CLEC16A: variants seen among roughly 807,000 people sequenced by gnomAD.
The protein encoded by CLEC16A is protein CLEC16A.
Under a neutral mutation model 109.5 loss-of-function variants are expected in CLEC16A, and 51 were observed. The observed-to-expected ratio is 0.47, with a 90% confidence interval of 0.37 to 0.59. The LOEUF (loss-of-function observed/expected upper bound fraction) is 0.59. Ranked by LOEUF, CLEC16A falls within the 20% of genes least tolerant of loss-of-function variation. The pLI, the probability that CLEC16A is intolerant of heterozygous loss-of-function variation, is 0.00. For synonymous variants in CLEC16A, 673 were observed against 564.2 expected, an observed-to-expected ratio of 1.19 and a Z score of -2.73; for missense variants, 1,339 against 1,394.0, an observed-to-expected ratio of 0.96 and a Z score of 0.63.
At chr16:10,996,422 C>T (rs1264927139) in intron 10 of CLEC16A, among the ~76,000 whole-genome samples, 1 of 152,190 alleles carries the variant, frequency 6.6e-6, no homozygotes, top group Non-Finnish European at 1.5e-5. Flanking sequence ...TGACCTAGGC[C>T]TTAGCAGAAG....
intron 10 of CLEC16A, among the ~76,000 whole-genome samples, chr16:10,985,508 A>G (rs910712754): frequency 6.7e-6 from 1 of 150,092 alleles, no homozygotes; most frequent in Non-Finnish European, 1.5e-5. Flanking sequence ...TGATGTTAAT[A>G]TGTTAATAGC....
chr16:11,175,676 T>C (rs1029604303), intron 23 of CLEC16A, among the ~76,000 whole-genome samples: 18 of 152,356 alleles, frequency 1.2e-4, no homozygotes, highest in African/African-American at 3.6e-4. Context: ...AAGAGGCTAC[T>C]TTTAGCGGGG....
chr16:11,142,228 G>T (rs1191025177), intron 22 of CLEC16A, among the ~76,000 whole-genome samples: 1 of 152,240 alleles, frequency 6.6e-6, no homozygotes, highest in African/African-American at 2.4e-5. Context: ...GACCCCCACA[G>T]TCTGCTCAGT....
At chr16:11,036,156 A>G (rs2047004364) in intron 13 of CLEC16A, 1 of 152,262 alleles carries the variant, frequency 6.6e-6, no homozygotes. Flanking sequence ...GAATGGAACC[A>G]CCCCAGTCAG....
intron 3 of CLEC16A, 54 bp from the exon 4 acceptor site, chr16:10,969,106 TG>T: frequency 6.7e-7 from 1 of 1,483,862 alleles, no homozygotes; most frequent in Non-Finnish European, 9.2e-7. Flanking sequence ...GCTTGTTACC[TG>T]GCTTATCTTT....
At chr16:10,968,578 A>G (rs2042627008) in intron 3 of CLEC16A, among the ~76,000 whole-genome samples, 1 of 152,188 alleles carries the variant, frequency 6.6e-6, no homozygotes, top group Non-Finnish European at 1.5e-5. Flanking sequence ...GTAAGTTAAC[A>G]TCTCCGAGAT....
chr16:11,076,833 GCA>G (rs1336757044), intron 19 of CLEC16A, among the ~76,000 whole-genome samples: 1 of 152,150 alleles, frequency 6.6e-6, no homozygotes, highest in Non-Finnish European at 1.5e-5. Context: ...CTCAGCCAAT[GCA>G]CACTCTCCAG....
intron 22 of CLEC16A, among the ~76,000 whole-genome samples, chr16:11,165,015 T>G (rs1269235839): frequency 2.0e-5 from 3 of 152,062 alleles, no homozygotes; most frequent in African/African-American, 7.2e-5. Flanking sequence ...CTCTCTCAGC[T>G]GGAAGGAGGA....
At chr16:11,032,016 A>G (rs2046769248) in intron 13 of CLEC16A, among the ~76,000 whole-genome samples, 1 of 152,240 alleles carries the variant, frequency 6.6e-6, no homozygotes, top group African/African-American at 2.4e-5. Flanking sequence ...CCAAGAAAGC[A>G]TCAGTCATTC....
At position 10,955,603 on chromosome 16, in the gene CLEC16A, A is replaced by G. The variant is rs11646023; in HGVS notation, c.81-2179A>G. ...GCATTCTAAGCAGAAAGCCCCATCA[A>G]TTGAAGTCATGTGGTCCTAAAGAAT... On this transcript the variant is annotated intron_variant, in intron 1 of 23. Transcript: ENST00000409790. Among the ~76,000 whole-genome samples the G allele has an allele frequency of 5.6e-3, 860 of 152,284 alleles. 2 individuals carry two copies. Among genetic ancestry groups the G allele is most frequent in the Non-Finnish European group, 9.2e-3 (628 of 68,022 alleles).
intron 19 of CLEC16A, among the ~76,000 whole-genome samples, chr16:11,082,198 G>A (rs900403242): frequency 3.3e-5 from 5 of 152,200 alleles, no homozygotes; most frequent in African/African-American, 7.2e-5. Flanking sequence ...GTGTGCACAC[G>A]TGAGTGTGTG....
chr16:10,947,986 C>T lies in CLEC16A; in HGVS notation c.80+3189C>T, dbSNP rs1047828093. ...TTGGCTCACTGCAAGCTCCGCCTCC[C>T]GGGTTCACGCCATTCTCCTGCCTCA... On this transcript the variant is annotated intron_variant, in intron 1 of 23. Coordinates refer to ENST00000409790, the MANE Select transcript of CLEC16A (RefSeq NM_015226.3). Among the ~76,000 whole-genome samples the T allele has an allele frequency of 2.0e-5, 3 of 152,194 alleles. No individual in the cohort carries two copies. The East Asian group carries it at 5.8e-4, about 29-fold the overall frequency.
At position 11,060,635 on chromosome 16, in the gene CLEC16A, C is replaced by T. The variant is rs555280601; in HGVS notation, c.1996-267C>T. Among the ~76,000 whole-genome samples, 17 of 152,264 alleles carry T rather than the reference C, an allele frequency of 1.1e-4. No homozygotes were observed. The South Asian group carries it at 3.3e-3, about 30-fold the overall frequency. On this transcript the variant is annotated intron_variant, in intron 18 of 23. Coordinates refer to ENST00000409790, the MANE Select transcript of CLEC16A (RefSeq NM_015226.3). ...GTCACCTGATACTTGGGGACAAGGT[C>T]CTGGCAGATGACGGGTGCTCAGTTC...
At chr16:11,157,743 A>G (rs759462451) in intron 22 of CLEC16A, among the ~76,000 whole-genome samples, 20 of 152,176 alleles carry the variant, frequency 1.3e-4, no homozygotes, top group Non-Finnish European at 2.6e-4. Flanking sequence ...CTAGACTTGA[A>G]TCTGAACCCT....
At chr16:10,957,200 G>A (rs2042030450) in intron 1 of CLEC16A, among the ~76,000 whole-genome samples, 1 of 152,210 alleles carries the variant, frequency 6.6e-6, no homozygotes, top group Non-Finnish European at 1.5e-5. Flanking sequence ...GTTCTGATGG[G>A]CTCACTGCAC....
chr16:11,061,164 G>A (rs534847020), intron 19 of CLEC16A, 142 bp downstream of exon 19: 6 of 977,198 alleles, frequency 6.1e-6, no homozygotes, highest in East Asian at 3.2e-5. Flanking sequence ...TTGAGCCAGC[G>A]GTGTGCATGT....
chr16:11,129,870 C>T (rs139337054), intron 22 of CLEC16A, among the ~76,000 whole-genome samples: 6,602 of 151,250 alleles, frequency 0.044, 186 homozygotes, highest in Non-Finnish European at 0.063. Context: ...TCACACCATT[C>T]TCCTGCCTCA....
intron 10 of CLEC16A, among the ~76,000 whole-genome samples, chr16:10,992,981 A>G (rs1441882821): frequency 6.6e-6 from 1 of 151,998 alleles, no homozygotes; most frequent in East Asian, 1.9e-4. Context: ...AAACATGAGA[A>G]ATGGTGAGTC....
chr16:10,962,647 G>C, intron 3 of CLEC16A, 59 bp downstream of exon 3: 1 of 1,590,272 alleles, frequency 6.3e-7, no homozygotes, highest in Admixed American at 1.7e-5. Flanking sequence ...GGGTGAAGTT[G>C]GGCGTGGTTT....
Sources: allele counts gnomAD v4.1 joint callset (sites outside exome capture counted in the v4.1 genomes callset), GRCh38; gene constraint gnomAD v4.1.1; transcripts MANE v1.5; gene names NCBI Gene and HGNC (gene_info 2026-07-23, HGNC 2026-07-21).